The following GPR149 variants were observed in gnomAD, a reference collection of about 807,000 sequenced individuals.
The protein encoded by GPR149 is G protein-coupled receptor 149.
In GPR149, 50 loss-of-function variants were observed where a neutral mutation model predicts 50.2. The ratio of observed to expected loss-of-function variants is 1.00; its 90% CI spans 0.79 to 1.26. The LOEUF (loss-of-function observed/expected upper bound fraction) is 1.26. Ranked by LOEUF, GPR149 falls within the 50% of genes most tolerant of loss-of-function variation. The probability of loss-of-function intolerance (pLI) is 0.00; values close to 1 mark genes in which losing one functional copy is unlikely to be tolerated. For missense variants in GPR149, 983 were observed against 895.4 expected (o/e 1.10, Z -1.25); for synonymous variants, 405 against 358.2 (o/e 1.13, Z -1.48).
At chr3:154,361,869 G>A (rs1714414747) in intron 3 of GPR149, among the ~76,000 whole-genome samples, 1 of 152,100 alleles carries the variant, frequency 6.6e-6, no homozygotes, top group African/African-American at 2.4e-5. Flanking sequence ...TCTTAGATTG[G>A]TGCTGAACTG....
intron 3 of GPR149, among the ~76,000 whole-genome samples, chr3:154,412,967 G>A (rs963046048): frequency 2.0e-5 from 3 of 152,042 alleles, no homozygotes. Context: ...ATAGACGAAT[G>A]GAACAGAATA....
intron 3 of GPR149, among the ~76,000 whole-genome samples, chr3:154,365,448 G>A (rs923744709): frequency 6.6e-6 from 1 of 152,122 alleles, no homozygotes; most frequent in Non-Finnish European, 1.5e-5. Flanking sequence ...CCTTATCAAT[G>A]AGTAGCTTGG....
Position 154,429,785 on chromosome 3 carries a change from C to A in GPR149, c.-170G>T. On this transcript the variant is annotated 5_prime_UTR_variant, in exon 1 of 4. Transcript: ENST00000389740. ...AGCCATGTCTCCTTTAGATCTGACT[C>A]AAGCTATATTTAAAAATTAGGTTCC... 4 of 479,504 alleles carry A rather than the reference C, an allele frequency of 8.3e-6. No homozygotes were observed. Among genetic ancestry groups the A allele is most frequent in the Non-Finnish European group, 1.1e-5 (3 of 274,680 alleles). 29.7% of individuals were successfully genotyped at this position (479,504 alleles called of 1,614,324 possible).
chr3:154,406,902 A>C (rs1243138176), intron 3 of GPR149, among the ~76,000 whole-genome samples: 1 of 152,200 alleles, frequency 6.6e-6, no homozygotes, highest in Non-Finnish European at 1.5e-5. Context: ...AAAGAAAGAA[A>C]AGTTTTATGG....
chr3:154,363,183 G>A (rs924253476), intron 3 of GPR149, among the ~76,000 whole-genome samples: 5 of 152,176 alleles, frequency 3.3e-5, no homozygotes, highest in South Asian at 2.1e-4. Context: ...TCCTTAAGGC[G>A]AAAGGAACTA....
rs201300362 is a variant in GPR149, at chr3:154,429,148, G to C, written c.468C>G (p.Thr156=). The C allele has an allele frequency of 3.1e-6, 5 of 1,613,702 alleles. No homozygotes were observed. Among genetic ancestry groups the C allele is most frequent in the African/African-American group, 1.3e-5 (1 of 75,050 alleles). The change falls in exon 1 of 4, where the codon ACC becomes ACG. Residue 156 remains threonine, a synonymous_variant. Coordinates refer to ENST00000389740, the MANE Select transcript of GPR149 (RefSeq NM_001038705.3). ...AGAGCAGCAGACTGGCTGCCCACAC[G>C]GTCAGCACCACGCCGAGCACCTGGC... ...RSGQVLGVVL[T]VWAASLLLSA... is the part of the protein sequence containing the mutation.
rs1021901852 is a variant in GPR149 at position 154,340,791 on chromosome 3, G to A, written c.1624-2520C>T. On this transcript the variant is annotated intron_variant, in intron 3 of 3. Coordinates refer to ENST00000389740, the MANE Select transcript of GPR149 (RefSeq NM_001038705.3). Reference sequence around the variant, plus strand: ...GGCTGGAGCGCAATGGCGCCGTCTCGGCTCACTGCAACCTCCACCTCCTGG... The same window carrying A: ...GGCTGGAGCGCAATGGCGCCGTCTCAGCTCACTGCAACCTCCACCTCCTGG... Among the ~76,000 whole-genome samples, 17 of 152,252 alleles carry A rather than the reference G, an allele frequency of 1.1e-4. No homozygotes were observed. In the East Asian group the frequency reaches 1.6e-3, roughly 14 times the overall value.
intron 3 of GPR149, among the ~76,000 whole-genome samples, chr3:154,372,114 A>T (rs551875701): frequency 6.6e-6 from 1 of 152,264 alleles, no homozygotes; most frequent in East Asian, 1.9e-4. Context: ...TCCCAACAGC[A>T]GTTGGGGTGT....
At chr3:154,403,396 G>A (rs1711597490) in intron 3 of GPR149, among the ~76,000 whole-genome samples, 2 of 152,150 alleles carry the variant, frequency 1.3e-5, no homozygotes, top group African/African-American at 4.8e-5. Context: ...TGGGCAAAAA[G>A]GGCTTGAGGG....
chr3:154,384,439 G>C (rs1352582997), intron 3 of GPR149, among the ~76,000 whole-genome samples: 2 of 152,184 alleles, frequency 1.3e-5, no homozygotes, highest in African/African-American at 4.8e-5. Context: ...CAATTATATA[G>C]TAACCATGGA....
intron 3 of GPR149, among the ~76,000 whole-genome samples, chr3:154,339,880 C>T (rs557165711): frequency 1.6e-4 from 23 of 143,718 alleles, no homozygotes; most frequent in African/African-American, 5.7e-4. Context: ...AGCTCTGCCT[C>T]CTGAGTTCGT....
At chr3:154,406,345 A>T (rs1181882951) in intron 3 of GPR149, among the ~76,000 whole-genome samples, 1 of 152,206 alleles carries the variant, frequency 6.6e-6, no homozygotes, top group Non-Finnish European at 1.5e-5. Context: ...ATAACCTTCT[A>T]GAGGGGTATT....
chr3:154,388,869 AAAACACACACAC>A lies in GPR149; in HGVS notation c.1623+32158_1623+32169del, dbSNP rs1253723829. Reference sequence around the variant, plus strand: ...TTATGGTAACATTTCACACATATGAAAAACACACACACACACACACACACACACACACACAAA... The same window carrying A: ...TTATGGTAACATTTCACACATATGAAACACACACACACACACACACACAAA... On this transcript the variant is annotated intron_variant, in intron 3 of 3. Transcript: ENST00000389740. Among the ~76,000 whole-genome samples the A allele has an allele frequency of 1.6e-4, 20 of 121,434 alleles. No homozygotes were observed. In the South Asian group the frequency reaches 3.0e-3, roughly 18 times the overall value. 79.7% of individuals were successfully genotyped at this position (121,434 alleles called of 152,430 possible).
chr3:154,377,698 C>T (rs867490790), intron 3 of GPR149, among the ~76,000 whole-genome samples: 4 of 152,002 alleles, frequency 2.6e-5, no homozygotes, highest in Non-Finnish European at 4.4e-5. Flanking sequence ...ACAACTTCTT[C>T]GTAATATAAT....
At chr3:154,353,517 T>C in intron 3 of GPR149, 1 of 901,222 alleles carries the variant, frequency 1.1e-6, no homozygotes, top group Non-Finnish European at 1.9e-6. Flanking sequence ...ACTCTGCAGA[T>C]GATCTTTGAT....
In GPR149 at chr3:154,429,834, A is replaced by C. The variant is rs1490223942; in HGVS notation, c.-219T>G. 2.9e-5 allele frequency: 11 copies of C among 373,090 alleles called. No homozygotes were observed. Among genetic ancestry groups the C allele is most frequent in the African/African-American group, 8.7e-5 (4 of 45,886 alleles). 23.1% of individuals were successfully genotyped at this position (373,090 alleles called of 1,614,324 possible). On this transcript the variant is annotated 5_prime_UTR_variant, in exon 1 of 4. Transcript: ENST00000389740. Reference sequence around the variant, plus strand: ...CCATTTCAAGCATAAAAAAAAAAAAACCCGAACAGATAACTTTTCAACATT... The same window carrying C: ...CCATTTCAAGCATAAAAAAAAAAAACCCCGAACAGATAACTTTTCAACATT...
chr3:154,429,460 A>T lies in GPR149; in HGVS notation c.156T>A (p.Ile52=). ...TTTTCAGCAGGGAAATTAGTGAATA[A>T]ATGCTGCCCACCAAGGCTGCAAAAG... ...LMTFAALVGS[I]YSLISLLKMQ... is the part of the protein sequence containing the mutation. The change falls in exon 1 of 4, where the codon ATT becomes ATA. Residue 52 remains isoleucine (I), a synonymous_variant. Transcript: ENST00000389740. 6.2e-7 allele frequency: 1 copy of T among 1,614,168 alleles called. No individual in the cohort carries two copies. The highest frequency in any genetic ancestry group is 8.5e-7 in the Non-Finnish European group (1 of 1,180,030).
intron 3 of GPR149, among the ~76,000 whole-genome samples, chr3:154,339,082 G>C (rs1323728677): frequency 6.6e-6 from 1 of 152,082 alleles, no homozygotes; most frequent in African/African-American, 2.4e-5. Context: ...GACATGTTTT[G>C]ATTTTTGATT....
At chr3:154,365,744 T>C (rs1714517834) in intron 3 of GPR149, among the ~76,000 whole-genome samples, 1 of 152,320 alleles carries the variant, frequency 6.6e-6, no homozygotes, top group Middle Eastern at 3.4e-3. Flanking sequence ...TTTGCCACTT[T>C]GTAACAAAGA....
Sources: gnomAD v4.1 joint callset for allele counts (sites outside exome capture counted in the v4.1 genomes callset) on GRCh38, gnomAD v4.1.1 for gene constraint, MANE v1.5 for transcripts, NCBI Gene and HGNC (gene_info 2026-07-23, HGNC 2026-07-21) for gene names.